FBXW10: variants seen among roughly 807,000 people sequenced by gnomAD.
FBXW10 encodes F-box/WD repeat-containing protein 10.
A neutral mutation model predicts 113.1 loss-of-function variants in FBXW10; 68 were observed. The ratio of observed to expected loss-of-function variants is 0.60; its 90% confidence interval spans 0.49 to 0.74. The LOEUF is 0.74. Ranked by LOEUF, FBXW10 falls within the 30% of genes least tolerant of loss-of-function variation. The pLI is 0.00. For missense variants in FBXW10, 753 were observed against 1,284.5 expected, an observed-to-expected ratio of 0.59 and a Z score of 6.32; for synonymous variants, 289 against 481.6, an observed-to-expected ratio of 0.60 and a Z score of 5.24.
In FBXW10 at chr17:18,772,772, T is replaced by G. The variant is rs2035640542; in HGVS notation, c.2278+89T>G. ...GGTGGTGGGAGACGGGGAGGACTGG[T>G]TCGTTTGTGGAATATTTTGGCCAGT... On this transcript the variant is annotated intron_variant, in intron 12 of 13. Coordinates refer to ENST00000395665, the MANE Select transcript of FBXW10 (RefSeq NM_001267585.2). 3 of 1,185,716 alleles carry G rather than the reference T, an allele frequency of 2.5e-6. No individual in the cohort carries two copies. The African/African-American group carries it at 4.6e-5, about 18-fold the overall frequency. 73.4% of individuals were successfully genotyped at this position (1,185,716 alleles called of 1,614,324 possible).
chr17:18,763,624 A>C (rs1334536081), intron 7 of FBXW10, among the ~76,000 whole-genome samples: 2 of 152,172 alleles, frequency 1.3e-5, no homozygotes, highest in African/African-American at 2.4e-5. Context: ...CTGTCTCAAA[A>C]GCAGCCTACC....
intron 10 of FBXW10, among the ~76,000 whole-genome samples, chr17:18,769,282 T>A (rs953001486): frequency 6.6e-6 from 1 of 152,136 alleles, no homozygotes; most frequent in Non-Finnish European, 1.5e-5. Context: ...ATTCTCAGCA[T>A]GACTATTGTA....
rs1329719198 is a variant in FBXW10, at chr17:18,772,410, A to C, written c.2007-2A>C. ...TGGACAACCCTGTTGTTTCGGTTCC[A>C]GGATGGTGGTCAACACAGAGAGCAA... On this transcript the variant is annotated splice_acceptor_variant, in intron 11 of 13. Coordinates refer to ENST00000395665, the MANE Select transcript of FBXW10 (RefSeq NM_001267585.2). LOFTEE classifies it high-confidence loss of function. The C allele has an allele frequency of 6.2e-7, 1 of 1,612,336 alleles. No individual in the cohort carries two copies. The highest frequency in any genetic ancestry group is 8.5e-7 in the Non-Finnish European group (1 of 1,179,220).
intron 7 of FBXW10, among the ~76,000 whole-genome samples, chr17:18,762,260 C>A (rs1241063577): frequency 2.0e-5 from 3 of 151,774 alleles, no homozygotes; most frequent in African/African-American, 7.3e-5. Flanking sequence ...CTGCACCTGG[C>A]CAATAATTGG....
At chr17:18,764,276 G>C (rs542924824) in intron 7 of FBXW10, among the ~76,000 whole-genome samples, 1 of 144,676 alleles carries the variant, frequency 6.9e-6, no homozygotes, top group African/African-American at 2.6e-5. Context: ...ATCTCAGCTC[G>C]CTGCAACCTC....
intron 9 of FBXW10, among the ~76,000 whole-genome samples, chr17:18,767,317 G>C (rs2035516173): frequency 6.6e-6 from 1 of 151,402 alleles, no homozygotes; most frequent in Non-Finnish European, 1.5e-5. Context: ...CTAAAAAAAA[G>C]AAAATACAAA....
intron 13 of FBXW10, among the ~76,000 whole-genome samples, chr17:18,778,170 G>A (rs1156510846): frequency 6.6e-6 from 1 of 152,156 alleles, no homozygotes; most frequent in East Asian, 1.9e-4. Flanking sequence ...GGAGAACGGC[G>A]TGAACCCGGA....
intron 13 of FBXW10, among the ~76,000 whole-genome samples, chr17:18,777,206 C>T (rs536318685): frequency 5.0e-4 from 76 of 151,802 alleles, no homozygotes; most frequent in African/African-American, 1.5e-3. Context: ...GGATTACAGG[C>T]GCCTGCCACC....
intron 1 of FBXW10, among the ~76,000 whole-genome samples, chr17:18,745,670 T>A (rs1340045800): frequency 6.6e-6 from 1 of 152,164 alleles, no homozygotes; most frequent in Non-Finnish European, 1.5e-5. Context: ...TGCCTCGGCC[T>A]CCCAAAGTGC....
chr17:18,768,732 T>C (rs1223278418), intron 10 of FBXW10, 56 bp downstream of exon 10: 52 of 1,579,498 alleles, frequency 3.3e-5, no homozygotes, highest in East Asian at 4.5e-5. Context: ...TTCCCCGTCA[T>C]AGCCTAGACT....
intron 7 of FBXW10, among the ~76,000 whole-genome samples, chr17:18,761,939 G>A (rs2035392789): frequency 6.6e-6 from 1 of 151,742 alleles, no homozygotes. Flanking sequence ...AAGCATGTAT[G>A]TTTCATAATT....
At chr17:18,749,987 T>C in intron 3 of FBXW10, 23 bp from the exon 4 acceptor site, 1 of 1,614,082 alleles carries the variant, frequency 6.2e-7, no homozygotes, top group East Asian at 2.2e-5. Context: ...CTGGGGTTTC[T>C]GGGTCCATCT....
chr17:18,749,269 T>A (rs1179480571), intron 2 of FBXW10, among the ~76,000 whole-genome samples: 1 of 151,960 alleles, frequency 6.6e-6, no homozygotes, highest in Non-Finnish European at 1.5e-5. Flanking sequence ...CCGAGTGCGG[T>A]GGCTCACGCC....
chr17:18,748,408 CAAAAAAAAAAAA>C (rs57336039), intron 2 of FBXW10, among the ~76,000 whole-genome samples: 3 of 51,414 alleles, frequency 5.8e-5, no homozygotes, highest in African/African-American at 1.9e-4. Flanking sequence ...GAGACTGTCT[CAAAAAAAAAAAA>C]AAAAAAAAAA....
chr17:18,755,388 C>T (rs11657709), intron 5 of FBXW10, among the ~76,000 whole-genome samples: 11,639 of 152,042 alleles, frequency 0.077, 439 homozygotes, highest in South Asian at 0.12. Flanking sequence ...AACCCTGTCT[C>T]TACTAAAAAT....
chr17:18,760,919 T>C (rs2035369417), intron 7 of FBXW10, among the ~76,000 whole-genome samples: 1 of 152,314 alleles, frequency 6.6e-6, no homozygotes, highest in South Asian at 2.1e-4. Flanking sequence ...ACATTACAGT[T>C]TTATCTTTTG....
At position 18,768,934 on chromosome 17, in the gene FBXW10, A is replaced by ATTTTTT. The variant is rs59007149; in HGVS notation, c.1847+273_1847+278dup. 4.5e-4 allele frequency among the ~76,000 whole-genome samples: 51 copies of ATTTTTT among 114,378 alleles called. 1 individual carries two copies. The highest frequency in any genetic ancestry group is 6.4e-4 in the Admixed American group (6 of 9,414). 75.0% of individuals were successfully genotyped at this position (114,378 alleles called of 152,430 possible). On this transcript the variant is annotated intron_variant, in intron 10 of 13. Transcript: ENST00000395665. ...AACTGGGGGTTTTGAGAAGTTATTG[A>ATTTTTT]TTTTTTTTTTTTTTTTTTTTGAGAC...
Position 18,748,102 on chromosome 17 carries a change from C to T in FBXW10, c.667C>T (p.Pro223Ser), listed in dbSNP as rs760484732. ...ACACTTGCTTGGGGCAGCATCTAACCCTGGTAAGTGAACTTTCAGCAAGAA... is the reference window on the plus strand; with the variant it reads ...ACACTTGCTTGGGGCAGCATCTAACTCTGGTAAGTGAACTTTCAGCAAGAA... ...NEHLLGAASNPEEPWRNSLRC... is the reference protein window; with the variant it reads ...NEHLLGAASNSEEPWRNSLRC... The change falls in exon 2 of 14, where the codon CCT (proline) becomes TCT (serine). Residue 223 changes from proline to serine, a missense_variant. Coordinates refer to ENST00000395665, the MANE Select transcript of FBXW10 (RefSeq NM_001267585.2). The T allele has an allele frequency of 1.2e-6, 2 of 1,613,822 alleles. No individual in the cohort carries two copies. The highest frequency in any genetic ancestry group is 1.7e-5 in the Admixed American group (1 of 60,008).
rs2035635442 is a variant in FBXW10, at chr17:18,772,554, T to C, written c.2149T>C (p.Ser717Pro). The change falls in exon 12 of 14, where the codon TCT becomes CCT. Residue 717 changes from serine (S) to proline (P), a missense_variant. Transcript: ENST00000395665. The stretch of plus-strand genomic sequence containing the variant: ...AGAAAATAGTCTCATGGAAATTCTC[T>C]CTAAGTGTAATATTCAGGTTCACAG... ...KEENSLMEIL[S>P]KCNIQVHSPR... 6.2e-7 allele frequency: 1 copy of C among 1,614,120 alleles called. No individual in the cohort carries two copies.
Sources: allele counts gnomAD v4.1 joint callset (sites outside exome capture counted in the v4.1 genomes callset), GRCh38; gene constraint gnomAD v4.1.1; transcripts MANE v1.5; gene names NCBI Gene and HGNC (gene_info 2026-07-23, HGNC 2026-07-21).